PCDHA3: variants seen among roughly 807,000 people sequenced by gnomAD.
PCDHA3 encodes protocadherin alpha-3.
PCDHA3 carries 41 observed loss-of-function variants against 62.2 expected under a neutral mutation model. That is an observed-to-expected ratio of 0.66 (90% CI 0.51 to 0.86). The LOEUF (loss-of-function observed/expected upper bound fraction) is 0.86. Ranked by LOEUF, PCDHA3 falls within the 40% of genes least tolerant of loss-of-function variation. The pLI is 0.00. For synonymous variants in PCDHA3, 640 were observed against 555.4 expected (o/e 1.15, Z -2.14); for missense variants, 1,304 against 1,241.2 (o/e 1.05, Z -0.76).
At chr5:140,927,290 T>C in intron 1 of PCDHA3, 1 of 1,614,054 alleles carries the variant, frequency 6.2e-7, no homozygotes, top group South Asian at 1.1e-5. Flanking sequence ...CAGCTGCACA[T>C]CCCCGAGTTC....
At chr5:140,931,405 G>C (rs1395168165) in intron 1 of PCDHA3, among the ~76,000 whole-genome samples, 1 of 151,984 alleles carries the variant, frequency 6.6e-6, no homozygotes, top group South Asian at 2.1e-4. Flanking sequence ...CGATAGGAAG[G>C]CTGATGAATC....
At chr5:140,948,227 A>G (rs1214697523) in intron 1 of PCDHA3, among the ~76,000 whole-genome samples, 17 of 151,634 alleles carry the variant, frequency 1.1e-4, no homozygotes, top group African/African-American at 4.1e-4. Flanking sequence ...GTTAGATTTA[A>G]CTTGTATTTT....
chr5:140,850,795 CCGA>C, intron 1 of PCDHA3: 1 of 1,598,426 alleles, frequency 6.3e-7, no homozygotes, highest in Non-Finnish European at 8.6e-7. Flanking sequence ...AAGCAGAAGA[CCGA>C]CCTCATGGCC....
In PCDHA3 at chr5:140,875,579, A is replaced by C. The variant is rs552791418; in HGVS notation, c.2394+71988A>C. ...AGCGGCCAGCTCCACTACTCCGTCTACGAGGAGGCCAAACACGGCACCTTC... is the reference window on the plus strand; with the variant it reads ...AGCGGCCAGCTCCACTACTCCGTCTCCGAGGAGGCCAAACACGGCACCTTC... On this transcript the variant is annotated intron_variant, in intron 1 of 3. Coordinates refer to ENST00000522353, the MANE Select transcript of PCDHA3 (RefSeq NM_018906.3). The C allele has an allele frequency of 9.3e-6, 15 of 1,614,050 alleles. No individual in the cohort carries two copies. Among genetic ancestry groups the C allele is most frequent in the East Asian group, 6.7e-5 (3 of 44,884 alleles).
Position 140,857,427 on chromosome 5 carries a change from C to A in PCDHA3, c.2394+53836C>A, listed in dbSNP as rs781871079. 21 of 1,598,334 alleles carry A rather than the reference C, an allele frequency of 1.3e-5. 1 individual carries two copies. The highest frequency in any genetic ancestry group is 4.4e-5 in the South Asian group (4 of 90,554). On this transcript the variant is annotated intron_variant, in intron 1 of 3. Transcript: ENST00000522353. ...CCTGCGTTCGCGCAGTCCGAGTACACGGTGTTCGTGAAGGAGAACAACCCG... is the reference window on the plus strand; with the variant it reads ...CCTGCGTTCGCGCAGTCCGAGTACAAGGTGTTCGTGAAGGAGAACAACCCG...
At chr5:140,830,041 G>C in intron 1 of PCDHA3, 1 of 1,613,848 alleles carries the variant, frequency 6.2e-7, no homozygotes, top group East Asian at 2.2e-5. Flanking sequence ...TGCTGGTGCT[G>C]GTGAAAGACC....
chr5:140,829,969 G>T, intron 1 of PCDHA3: 1 of 1,614,010 alleles, frequency 6.2e-7, no homozygotes, highest in South Asian at 1.1e-5. Flanking sequence ...GCGTGGGGCT[G>T]TACACGGGCG....
chr5:140,957,694 C>T (rs269548), intron 1 of PCDHA3, among the ~76,000 whole-genome samples: 31,397 of 151,782 alleles, frequency 0.21, 4,012 homozygotes, highest in African/African-American at 0.36. Flanking sequence ...AGACAATGAA[C>T]ATTATGTAGT....
At position 140,852,924 on chromosome 5, in the gene PCDHA3, G is replaced by C. The variant is rs1007993116; in HGVS notation, c.2394+49333G>C. On this transcript the variant is annotated intron_variant, in intron 1 of 3. Coordinates refer to ENST00000522353, the MANE Select transcript of PCDHA3 (RefSeq NM_018906.3). ...GTCAGAGTCTCGCTCTGTTGCCCAG[G>C]CTGGAGTGCAGTGGTGCCATCTTGG... The C allele has an allele frequency of 2.7e-5, 19 of 707,974 alleles. 2 individuals are homozygous for C. Among genetic ancestry groups the C allele is most frequent in the Admixed American group, 2.6e-4 (4 of 15,396 alleles). The allele number at this position is 707,974 out of a possible 1,614,324, so 43.9% of individuals were successfully genotyped here.
chr5:140,915,960 G>A (rs1554197207), intron 1 of PCDHA3, among the ~76,000 whole-genome samples: 1 of 152,112 alleles, frequency 6.6e-6, no homozygotes, highest in Admixed American at 6.5e-5. Flanking sequence ...TTAGAAATTT[G>A]CCTGATATTT....
chr5:140,861,903 A>G (rs115177043), intron 1 of PCDHA3: 3,607 of 155,014 alleles, frequency 0.023, 51 homozygotes, highest in Middle Eastern at 0.034. Flanking sequence ...AAAGCATTAT[A>G]TATCACAGCG....
chr5:140,871,716 C>G (rs1315028077), intron 1 of PCDHA3: 6 of 796,846 alleles, frequency 7.5e-6, no homozygotes, highest in Non-Finnish European at 1.1e-5. Flanking sequence ...TGTCCTATTT[C>G]TCTTAATATT....
chr5:140,954,978 A>C (rs1268797182), intron 1 of PCDHA3, among the ~76,000 whole-genome samples: 2 of 152,176 alleles, frequency 1.3e-5, no homozygotes, highest in African/African-American at 4.8e-5. Context: ...GTCCAGTTTC[A>C]ATTTTCTGCA....
At chr5:140,987,429 G>T (rs1402576200) in intron 3 of PCDHA3, among the ~76,000 whole-genome samples, 2 of 152,096 alleles carry the variant, frequency 1.3e-5, no homozygotes, top group Admixed American at 1.3e-4. Flanking sequence ...GAAGCAGGGG[G>T]CCTTTCCCCA....
chr5:140,882,061 G>GT, intron 1 of PCDHA3: 1 of 816,902 alleles, frequency 1.2e-6, no homozygotes, highest in Non-Finnish European at 1.9e-6. Flanking sequence ...ACACTTACAC[G>GT]TTCATGCGCA....
chr5:140,875,160 C>A, intron 1 of PCDHA3: 1 of 339,568 alleles, frequency 2.9e-6, no homozygotes, highest in Non-Finnish European at 5.1e-6. Flanking sequence ...GAAAAATAAC[C>A]CAAAGTCGAA....
rs1764551285 is a variant in PCDHA3, at chr5:140,809,828, T to C, written c.2394+6237T>C. On this transcript the variant is annotated intron_variant, in intron 1 of 3. Coordinates refer to ENST00000522353, the MANE Select transcript of PCDHA3 (RefSeq NM_018906.3). Reference sequence around the variant, plus strand: ...TAAATTTTCACTATATTCACCCTCTTTGTTTTTGGTAATAATCAACATTTT... The same window carrying C: ...TAAATTTTCACTATATTCACCCTCTCTGTTTTTGGTAATAATCAACATTTT... The C allele has an allele frequency of 1.4e-5, 5 of 363,892 alleles. No homozygotes were observed. In the East Asian group the frequency reaches 2.4e-4, roughly 18 times the overall value. The allele number at this position is 363,892 out of a possible 1,614,324, so 22.5% of individuals were successfully genotyped here. A position where few individuals can be genotyped will look rare whatever the true frequency, so the allele number is the denominator to read the frequency against.
At position 140,924,894 on chromosome 5, in the gene PCDHA3, C is replaced by CAAAAAA. The variant is rs782133089; in HGVS notation, c.2395-54049_2395-54044dup. Among the ~76,000 whole-genome samples, 6 of 71,470 alleles carry CAAAAAA rather than the reference C, an allele frequency of 8.4e-5. No homozygotes were observed. In the East Asian group the frequency reaches 2.6e-3, roughly 31 times the overall value. 46.9% of individuals were successfully genotyped at this position (71,470 alleles called of 152,430 possible). A position where few individuals can be genotyped will look rare whatever the true frequency, so the allele number is the denominator to read the frequency against. On this transcript the variant is annotated intron_variant, in intron 1 of 3. Transcript: ENST00000522353. ...TGGGTGACAGAGCAAGAACCTGTCT[C>CAAAAAA]AAAAAAAAAAATAAAATAAAATAAA... is the stretch of plus-strand genomic sequence containing the variant.
In PCDHA3 at chr5:140,853,715, G is replaced by T; in HGVS notation, c.2394+50124G>T. ...ACCTGCTAACGCATTAGCATTAGCA[G>T]CACCTAAGTCCTCATTGAATGTTCT... is the stretch of plus-strand genomic sequence containing the variant. On this transcript the variant is annotated intron_variant, in intron 1 of 3. Coordinates refer to ENST00000522353, the MANE Select transcript of PCDHA3 (RefSeq NM_018906.3). 6 of 988,172 alleles carry T rather than the reference G, an allele frequency of 6.1e-6. 1 individual carries two copies. The highest frequency in any genetic ancestry group is 7.3e-6 in the Non-Finnish European group (6 of 820,144). 61.2% of individuals were successfully genotyped at this position (988,172 alleles called of 1,614,324 possible). A position where few individuals can be genotyped will look rare whatever the true frequency, so the allele number is the denominator to read the frequency against.
Sources: allele counts gnomAD v4.1 joint callset (sites outside exome capture counted in the v4.1 genomes callset), GRCh38; gene constraint gnomAD v4.1.1; transcripts MANE v1.5; gene names NCBI Gene and HGNC (gene_info 2026-07-23, HGNC 2026-07-21).